TMEM17: variants seen among roughly 807,000 people sequenced by gnomAD.
The protein encoded by TMEM17 is transmembrane protein 17.
TMEM17 carries 15 observed loss-of-function variants against 19.1 expected under a neutral mutation model. That is an observed-to-expected ratio of 0.78 (90% CI 0.52 to 1.21). The LOEUF (loss-of-function observed/expected upper bound fraction) is 1.21, where lower values mean the gene tolerates loss of function less well. Among genes scored for constraint, TMEM17 ranks in the 50% most tolerant of loss-of-function variants. TMEM17 has a pLI of 0.00. For synonymous variants in TMEM17, 103 were observed against 86.9 expected, an observed-to-expected ratio of 1.19 and a Z score of -1.03; for missense variants, 245 against 242.3, an observed-to-expected ratio of 1.01 and a Z score of -0.07.
chr2:62,506,106 G>A lies in TMEM17; in HGVS notation c.24C>T (p.Arg8=), dbSNP rs1216848114. 2 of 1,611,184 alleles carry A rather than the reference G, an allele frequency of 1.2e-6. No individual in the cohort carries two copies. Among genetic ancestry groups the A allele is most frequent in the Non-Finnish European group, 8.5e-7 (1 of 1,178,916 alleles). The change falls in exon 1 of 4, where the codon CGC becomes CGT. Residue 8 remains arginine, a synonymous_variant. Transcript: ENST00000335390. Reference sequence around the variant, plus strand: ...CCCGGCTGAAGTTTCCCAGCCGCTGGCGCACCGGATCCGGCAGCTCCATGC... The same window carrying A: ...CCCGGCTGAAGTTTCCCAGCCGCTGACGCACCGGATCCGGCAGCTCCATGC... The part of the protein sequence containing the change: MELPDPV[R]QRLGNFSRAV...
the TMEM17 span, among the ~76,000 whole-genome samples, chr2:62,486,732 T>C: frequency 1.3e-5 from 2 of 152,192 alleles, no homozygotes; most frequent in Non-Finnish European, 2.9e-5. Flanking sequence ...TCTGCCTACT[T>C]TGGTAACAGT....
At chr2:62,462,261 C>T in the TMEM17 span, among the ~76,000 whole-genome samples, 3 of 152,174 alleles carry the variant, frequency 2.0e-5, no homozygotes, top group Non-Finnish European at 4.4e-5. Flanking sequence ...CCCCACCCTC[C>T]ACTCCCTGCA....
the TMEM17 span, among the ~76,000 whole-genome samples, chr2:62,486,146 A>T: frequency 6.6e-6 from 1 of 152,166 alleles, no homozygotes; most frequent in Non-Finnish European, 1.5e-5. Context: ...AGCTGAATTG[A>T]CCAGGAAAGA....
At chr2:62,466,978 A>AT in the TMEM17 span, among the ~76,000 whole-genome samples, 9 of 151,880 alleles carry the variant, frequency 5.9e-5, no homozygotes, top group Non-Finnish European at 7.4e-5. Flanking sequence ...ATTCCATTTT[A>AT]TTTAATTTAT....
chr2:62,479,561 G>A, the TMEM17 span, among the ~76,000 whole-genome samples: 1 of 152,102 alleles, frequency 6.6e-6, no homozygotes, highest in African/African-American at 2.4e-5. Context: ...GGATGTCTCT[G>A]ATATACTGAT....
At chr2:62,477,937 C>T in the TMEM17 span, among the ~76,000 whole-genome samples, 1 of 152,234 alleles carries the variant, frequency 6.6e-6, no homozygotes. Flanking sequence ...CCCACTGCTT[C>T]ACCGCCTTTC....
At chr2:62,486,672 A>C in the TMEM17 span, among the ~76,000 whole-genome samples, 1 of 152,208 alleles carries the variant, frequency 6.6e-6, no homozygotes, top group African/African-American at 2.4e-5. Context: ...GGGAATGAAA[A>C]GAGACAAAGT....
chr2:62,484,305 C>T, the TMEM17 span, among the ~76,000 whole-genome samples: 3 of 152,140 alleles, frequency 2.0e-5, no homozygotes, highest in South Asian at 2.1e-4. Flanking sequence ...TGCATATGAG[C>T]CTCCTGTCAT....
chr2:62,472,617 C>T, the TMEM17 span, among the ~76,000 whole-genome samples: 1 of 152,178 alleles, frequency 6.6e-6, no homozygotes, highest in Non-Finnish European at 1.5e-5. Flanking sequence ...TATTTCCCAA[C>T]CTTCCTGATC....
the TMEM17 span, among the ~76,000 whole-genome samples, chr2:62,469,886 G>A: frequency 2.0e-5 from 3 of 152,260 alleles, no homozygotes; most frequent in Admixed American, 1.3e-4. Flanking sequence ...CTGGCTGCAA[G>A]TTTGTCTCAG....
the TMEM17 span, among the ~76,000 whole-genome samples, chr2:62,490,972 G>A: frequency 9.3e-5 from 14 of 151,112 alleles, no homozygotes; most frequent in Non-Finnish European, 1.8e-4. Context: ...CCAGCTACTA[G>A]GGAGGCTGAG....
At chr2:62,475,499 G>A in the TMEM17 span, among the ~76,000 whole-genome samples, 5 of 152,340 alleles carry the variant, frequency 3.3e-5, no homozygotes, top group Middle Eastern at 3.4e-3. Context: ...GCTCCCTGGC[G>A]GTTCTGGGTT....
chr2:62,501,704 A>G, intron 3 of TMEM17: 1 of 507,542 alleles, frequency 2.0e-6, no homozygotes, highest in East Asian at 3.2e-5. Context: ...TTTAGTGAAC[A>G]ATTAAGTGCA....
At chr2:62,489,965 A>C in the TMEM17 span, among the ~76,000 whole-genome samples, 1 of 152,260 alleles carries the variant, frequency 6.6e-6, no homozygotes, top group East Asian at 1.9e-4. Context: ...ACTTGAGGTT[A>C]GAAGTTCAAG....
chr2:62,504,708 A>T (rs1012959825), intron 1 of TMEM17, among the ~76,000 whole-genome samples: 1 of 152,258 alleles, frequency 6.6e-6, no homozygotes, highest in African/African-American at 2.4e-5. Flanking sequence ...GGGATAGGTA[A>T]ACAACTGGCC....
At chr2:62,457,521 G>C in the TMEM17 span, among the ~76,000 whole-genome samples, 1 of 151,720 alleles carries the variant, frequency 6.6e-6, no homozygotes, top group East Asian at 1.9e-4. This position sits in a 1 kb window ranked among gnomAD's most constrained non-coding sequence, Gnocchi z 4.2. Flanking sequence ...AGGACATCCC[G>C]ATACCAGTGA....
the TMEM17 span, among the ~76,000 whole-genome samples, chr2:62,495,077 G>A: frequency 0.12 from 18,146 of 152,282 alleles, 1,189 homozygotes; most frequent in East Asian, 0.15. Context: ...ACTTAGGTCT[G>A]TGGAACAATA....
At chr2:62,493,974 G>A in the TMEM17 span, among the ~76,000 whole-genome samples, 1 of 152,060 alleles carries the variant, frequency 6.6e-6, no homozygotes, top group Admixed American at 6.5e-5. Flanking sequence ...TACCCATGCT[G>A]TTCCATCTGT....
downstream of TMEM17, among the ~76,000 whole-genome samples, chr2:62,499,165 CAATT>C (rs1344580564): frequency 6.6e-6 from 1 of 152,014 alleles, no homozygotes; most frequent in Non-Finnish European, 1.5e-5. Context: ...TTTGATAAAT[CAATT>C]TTCTCAAACT....
Sources: gnomAD v4.1 joint callset for allele counts (sites outside exome capture counted in the v4.1 genomes callset) on GRCh38, gnomAD v4.1.1 for gene constraint, Gnocchi (gnomAD v3.1) non-coding constraint, MANE v1.5 for transcripts, NCBI Gene and HGNC (gene_info 2026-07-23, HGNC 2026-07-21) for gene names.